ZNF285: variants seen among roughly 807,000 people sequenced by gnomAD.
ZNF285 encodes the protein zinc finger protein 285.
A neutral mutation model predicts 6.2 loss-of-function variants in ZNF285; 4 were observed. That is an observed-to-expected ratio of 0.65 (90% CI 0.32 to 1.49). The LOEUF (loss-of-function observed/expected upper bound fraction) is 1.49. Among genes scored for constraint, ZNF285 ranks in the 40% most tolerant of loss-of-function variants. The pLI is 0.07. For synonymous variants in ZNF285, 240 were observed against 245.8 expected (o/e 0.98, Z 0.22); for missense variants, 695 against 708.8 (o/e 0.98, Z 0.22).
chr19:44,399,655 G>A (rs1218788578), intron 1 of ZNF285, among the ~76,000 whole-genome samples: 4 of 151,752 alleles, frequency 2.6e-5, no homozygotes, highest in African/African-American at 4.9e-5. Flanking sequence ...TATATGGTTG[G>A]GGGTTTGGTT....
chr19:44,386,827 G>A lies in ZNF285; in HGVS notation c.1418C>T (p.Thr473Ile), dbSNP rs1392130621. Residue 473 changes from threonine (T) to isoleucine (I), a missense_variant, in exon 4 of 4, where the codon ACT becomes ATT. Thr to Ile is a moderately conservative substitution (Grantham distance 89). Coordinates refer to ENST00000614994, the MANE Select transcript of ZNF285 (RefSeq NM_152354.6). ...KDFAYSSVLH[T>I]HQRVHTGEKP... Reference sequence around the variant, plus strand: ...TTCTCCAGTGTGAACTCTCTGATGAGTGTGAAGAACAGAGCTATACGCAAA... The same window carrying A: ...TTCTCCAGTGTGAACTCTCTGATGAATGTGAAGAACAGAGCTATACGCAAA... 1 of 1,614,186 alleles carries A rather than the reference G, an allele frequency of 6.2e-7. No individual in the cohort carries two copies. Among genetic ancestry groups the A allele is most frequent in the South Asian group, 1.1e-5 (1 of 91,084 alleles).
intron 3 of ZNF285, among the ~76,000 whole-genome samples, chr19:44,391,805 A>G (rs1403407732): frequency 6.6e-6 from 1 of 152,114 alleles, no homozygotes; most frequent in African/African-American, 2.4e-5. Context: ...CCTCTGAGAA[A>G]TGAAAAGGAG....
In ZNF285 at chr19:44,387,629, G is replaced by C. The variant is rs761964602; in HGVS notation, c.616C>G (p.His206Asp). The part of the protein sequence containing the change: ...QECKGEDPGR[H>D]PSCGKNLGMK... ...CCCAAGTTTTTCCCACAGCTGGGAT[G>C]TCTACCAGGGTCCTCTCCTTTACAT... is the stretch of plus-strand genomic sequence containing the variant. Residue 206 changes from histidine to aspartate, a missense_variant, in exon 4 of 4, where the codon CAT becomes GAT. By Grantham distance (81) the His-to-Asp change is moderately conservative (BLOSUM62 -1). Coordinates refer to ENST00000614994, the MANE Select transcript of ZNF285 (RefSeq NM_152354.6). 6.2e-7 allele frequency: 1 copy of C among 1,613,858 alleles called. No homozygotes were observed. The highest frequency in any genetic ancestry group is 8.5e-7 in the Non-Finnish European group (1 of 1,179,824).
At position 44,385,218 on chromosome 19, in the gene ZNF285, C is replaced by A. The variant is rs1482206641; in HGVS notation, c.*1254G>T. 1 of 152,052 alleles carries A rather than the reference C, an allele frequency of 6.6e-6. No individual in the cohort carries two copies. Among genetic ancestry groups the A allele is most frequent in the East Asian group, 1.9e-4 (1 of 5,190 alleles). 9.4% of individuals were successfully genotyped at this position (152,052 alleles called of 1,614,324 possible). The stretch of plus-strand genomic sequence containing the variant: ...CACTTTAGTAAATGTTGATTTTATT[C>A]AATTAATTTTATTAAGACTAACCAC... On this transcript the variant is annotated 3_prime_UTR_variant, in exon 4 of 4. Coordinates refer to ENST00000614994, the MANE Select transcript of ZNF285 (RefSeq NM_152354.6).
At chr19:44,397,178 A>T (rs1971295098) in intron 2 of ZNF285, 21 bp downstream of exon 2, 3 of 1,613,860 alleles carry the variant, frequency 1.9e-6, no homozygotes, top group Admixed American at 1.7e-5. Flanking sequence ...ATATTTAAAG[A>T]GAAAGAAACC....
chr19:44,388,367 C>T (rs1326286520), intron 3 of ZNF285, among the ~76,000 whole-genome samples: 1 of 151,420 alleles, frequency 6.6e-6, no homozygotes, highest in African/African-American at 2.4e-5. Context: ...ATCACTCAAG[C>T]CCAGGAGATC....
chr19:44,386,759 T>A lies in ZNF285; in HGVS notation c.1486A>T (p.Ser496Cys). Residue 496 changes from serine (S) to cysteine (C), a missense_variant, in exon 4 of 4, where the codon AGT (serine) becomes TGT (cysteine). By Grantham distance (112) the Ser-to-Cys change is moderately radical. Transcript: ENST00000614994. ...CTTTGATGTAAGTGAAAATATGAAC[T>A]GTAACTGAAGCACTTTCCACACACT... The part of the protein sequence containing the change: ...CEVCGKCFSY[S>C]SYFHLHQRDH... 1.9e-6 allele frequency: 3 copies of A among 1,614,216 alleles called. No homozygotes were observed. Among genetic ancestry groups the A allele is most frequent in the Non-Finnish European group, 2.5e-6 (3 of 1,180,028 alleles).
intron 1 of ZNF285, among the ~76,000 whole-genome samples, chr19:44,397,589 G>A (rs1050618053): frequency 1.3e-5 from 2 of 152,124 alleles, no homozygotes; most frequent in Admixed American, 6.5e-5. Context: ...TGCTGAATAA[G>A]GGAGCAATCT....
chr19:44,392,452 G>C lies in ZNF285; in HGVS notation c.30C>G (p.Phe10Leu), dbSNP rs767991900. MIKFQERVTFKDVAVVFTKE... is the reference protein window; with the variant it reads MIKFQERVTLKDVAVVFTKE... ...TGGTGAAGACAACAGCCACATCCTT[G>C]AATGTCACCCTTTCCTAAAACATCA... Residue 10 changes from phenylalanine to leucine, a missense_variant, in exon 3 of 4, where the codon TTC becomes TTG. Phe to Leu is a conservative substitution (Grantham distance 22). Transcript: ENST00000614994. 1.6e-5 allele frequency: 26 copies of C among 1,613,696 alleles called. No individual in the cohort carries two copies. Among genetic ancestry groups the C allele is most frequent in the African/African-American group, 9.4e-5 (7 of 74,854 alleles).
chr19:44,394,728 C>T (rs1482838271), intron 2 of ZNF285, among the ~76,000 whole-genome samples: 2 of 152,104 alleles, frequency 1.3e-5, no homozygotes, highest in Non-Finnish European at 2.9e-5. Context: ...AGGTTTCAAA[C>T]AAAAGTTGTA....
chr19:44,388,125 G>A (rs1269249945), intron 3 of ZNF285, 23 bp from the exon 4 acceptor site: 1 of 1,596,972 alleles, frequency 6.3e-7, no homozygotes, highest in East Asian at 2.2e-5. Context: ...AGAGAATTTG[G>A]CTAAGAGAAC....
At chr19:44,400,896 C>T (rs1199453868) in intron 1 of ZNF285, among the ~76,000 whole-genome samples, 1 of 152,060 alleles carries the variant, frequency 6.6e-6, no homozygotes, top group African/African-American at 2.4e-5. Flanking sequence ...CAGTTCTTTT[C>T]AAAATGTATT....
chr19:44,391,402 G>A lies in ZNF285; in HGVS notation c.142+938C>T, dbSNP rs755209380. ...ACTATCTGTATTAGTCCATTCTCACGTTGCTAATGAAGACATACCCAAGAC... is the reference window on the plus strand; with the variant it reads ...ACTATCTGTATTAGTCCATTCTCACATTGCTAATGAAGACATACCCAAGAC... On this transcript the variant is annotated intron_variant, in intron 3 of 3. Coordinates refer to ENST00000614994, the MANE Select transcript of ZNF285 (RefSeq NM_152354.6). Among the ~76,000 whole-genome samples the A allele has an allele frequency of 3.9e-5, 6 of 151,982 alleles. 1 individual carries two copies. Among genetic ancestry groups the A allele is most frequent in the African/African-American group, 7.3e-5 (3 of 41,324 alleles).
rs964806504 is a variant in ZNF285 at position 44,384,141 on chromosome 19, G to A, written c.*2331C>T. On this transcript the variant is annotated 3_prime_UTR_variant, in exon 4 of 4. Transcript: ENST00000614994. ...TGGTGGACATGGACAATAACATGTG[G>A]ACATTTTTATAGGTCTAGATCATTG... is the stretch of plus-strand genomic sequence containing the variant. 2.0e-5 allele frequency: 3 copies of A among 152,148 alleles called. No homozygotes were observed. Among genetic ancestry groups the A allele is most frequent in the African/African-American group, 7.2e-5 (3 of 41,438 alleles). The allele number at this position is 152,148 out of a possible 1,614,324, so 9.4% of individuals were successfully genotyped here. A position where few individuals can be genotyped will look rare whatever the true frequency, so the allele number is the denominator to read the frequency against.
rs147498320 is a variant in ZNF285, at chr19:44,391,236, T to C, written c.142+1104A>G. ...GAGACATGGCTTTCACCTTCCACCA[T>C]GATTGTGAGGCCTCCCCAGGCACGT... On this transcript the variant is annotated intron_variant, in intron 3 of 3. Transcript: ENST00000614994. 5.4e-3 allele frequency among the ~76,000 whole-genome samples: 815 copies of C among 151,796 alleles called. 14 individuals are homozygous for C. Among genetic ancestry groups the C allele is most frequent in the African/African-American group, 0.019 (769 of 41,400 alleles).
At position 44,392,753 on chromosome 19, in the gene ZNF285, T is replaced by C. The variant is rs2722645; in HGVS notation, c.16-287A>G. 1,820 of 548,912 alleles carry C rather than the reference T, an allele frequency of 3.3e-3. 31 individuals are homozygous for C. Among genetic ancestry groups the C allele is most frequent in the African/African-American group, 0.03 (1,553 of 52,598 alleles). The allele number at this position is 548,912 out of a possible 1,614,324, so 34.0% of individuals were successfully genotyped here. On this transcript the variant is annotated intron_variant, in intron 2 of 3. Coordinates refer to ENST00000614994, the MANE Select transcript of ZNF285 (RefSeq NM_152354.6). ...GCTCTCATAAGGACACTAATCCTAT[T>C]GGATCAGGGATTCCCAAAGGACAGT...
In ZNF285 at chr19:44,397,109, C is replaced by T. The variant is rs2722649; in HGVS notation, c.15+90G>A. On this transcript the variant is annotated intron_variant, in intron 2 of 3. Coordinates refer to ENST00000614994, the MANE Select transcript of ZNF285 (RefSeq NM_152354.6). ...AAGTACCTAATACATAGTAGTCACT[C>T]AAAAAATGCTGACCTCCTTTCAGAA... The T allele has an allele frequency of 1.6e-3, 2,615 of 1,594,434 alleles. 44 individuals carry two copies. The African/African-American group carries it at 0.029, about 18-fold the overall frequency.
At chr19:44,395,926 G>C (rs920696180) in intron 2 of ZNF285, among the ~76,000 whole-genome samples, 1 of 152,110 alleles carries the variant, frequency 6.6e-6, no homozygotes, top group Admixed American at 6.5e-5. Context: ...ATTGGCTTTA[G>C]GTCCAGGCCA....
chr19:44,392,297 A>G (rs377297869), intron 3 of ZNF285, 43 bp downstream of exon 3: 4 of 1,612,424 alleles, frequency 2.5e-6, no homozygotes, highest in Non-Finnish European at 3.4e-6. Flanking sequence ...TGAAATGATG[A>G]TTTGAGGAAA....
Sources: allele counts gnomAD v4.1 joint callset (sites outside exome capture counted in the v4.1 genomes callset), GRCh38; gene constraint gnomAD v4.1.1; transcripts MANE v1.5; gene names NCBI Gene and HGNC (gene_info 2026-07-23, HGNC 2026-07-21).